Variants in ERC2 observed in about 807,000 individuals in gnomAD.
The protein encoded by ERC2 is ELKS/RAB6-interacting/CAST family member 2, also known as ERC protein 2.
Under a neutral mutation model 114.8 loss-of-function variants are expected in ERC2, and 42 were observed. The ratio of observed to expected loss-of-function variants is 0.37; its 90% confidence interval spans 0.29 to 0.47. ERC2 has a LOEUF of 0.47. Among genes scored for constraint, ERC2 ranks in the 20% least tolerant of loss-of-function variants. ERC2 has a pLI of 0.99. For synonymous variants in ERC2, 454 were observed against 425.5 expected, an observed-to-expected ratio of 1.07 and a Z score of -0.82; for missense variants, 939 against 1,150.7, an observed-to-expected ratio of 0.82 and a Z score of 2.66.
Position 55,628,846 on chromosome 3 carries a change from T to C in ERC2, c.*39+54948A>G, listed in dbSNP as rs554006728. Among the ~76,000 whole-genome samples the C allele has an allele frequency of 2.2e-4, 33 of 152,362 alleles. 1 individual carries two copies. The highest frequency in any genetic ancestry group is 1.2e-3 in the South Asian group (6 of 4,826). ...AATGCCTGAAGAACAAGTTGTAGAT[T>C]TGAATTCTCAAGTACCTGAATTCCT... On this transcript the variant is annotated intron_variant, in intron 17 of 17. Coordinates refer to ENST00000288221, the MANE Select transcript of ERC2 (RefSeq NM_015576.3).
intron 17 of ERC2, among the ~76,000 whole-genome samples, chr3:55,587,394 T>A (rs1255395563): frequency 6.6e-6 from 1 of 152,230 alleles, no homozygotes; most frequent in Non-Finnish European, 1.5e-5. Context: ...TTTATCTATG[T>A]TAATGTAGGT....
intron 7 of ERC2, among the ~76,000 whole-genome samples, chr3:56,023,767 A>AAAGGAAGGAAGGAAGG (rs768746262): frequency 0.15 from 7,453 of 49,590 alleles, 383 homozygotes; most frequent in South Asian, 0.23. Flanking sequence ...ATGAATGAAA[A>AAAGGAAGGAAGGAAGG]AAGGAATGAA....
intron 14 of ERC2, among the ~76,000 whole-genome samples, chr3:55,871,201 C>T (rs1168023146): frequency 6.6e-6 from 1 of 152,194 alleles, no homozygotes; most frequent in Non-Finnish European, 1.5e-5. Flanking sequence ...TGGGACTAAG[C>T]CATGACTGGA....
intron 13 of ERC2, among the ~76,000 whole-genome samples, chr3:55,946,140 A>G (rs1024625979): frequency 4.6e-5 from 7 of 152,158 alleles, no homozygotes; most frequent in African/African-American, 1.7e-4. Context: ...TTTAGTGTGA[A>G]TCTCTGGAAA....
At chr3:55,729,279 C>T (rs896870891) in intron 15 of ERC2, among the ~76,000 whole-genome samples, 1 of 152,172 alleles carries the variant, frequency 6.6e-6, no homozygotes, top group Non-Finnish European at 1.5e-5. Context: ...CAAACACACA[C>T]GTACACTTCT....
intron 4 of ERC2, among the ~76,000 whole-genome samples, chr3:56,169,844 C>A (rs2082540214): frequency 6.7e-6 from 1 of 149,414 alleles, no homozygotes. Context: ...TATGAATGAC[C>A]CAAGAAAGTA....
intron 12 of ERC2, among the ~76,000 whole-genome samples, chr3:55,980,740 G>T (rs994746096): frequency 6.7e-6 from 1 of 149,454 alleles, no homozygotes; most frequent in Non-Finnish European, 1.5e-5. Context: ...GAAAAGAAAA[G>T]GTTTTAGAAA....
At chr3:55,837,608 G>A (rs1203665660) in intron 14 of ERC2, among the ~76,000 whole-genome samples, 1 of 120,988 alleles carries the variant, frequency 8.3e-6, no homozygotes, top group Non-Finnish European at 1.7e-5. Flanking sequence ...CTGTTGTGGG[G>A]TGGGGGGAGG....
chr3:56,459,486 G>A (rs892191209), intron 1 of ERC2, among the ~76,000 whole-genome samples: 3 of 151,730 alleles, frequency 2.0e-5, no homozygotes, highest in Non-Finnish European at 4.4e-5. Flanking sequence ...CTTTAGGGGT[G>A]GAAAGTATTA....
intron 17 of ERC2, among the ~76,000 whole-genome samples, chr3:55,519,851 C>T (rs777773504): frequency 2.6e-5 from 4 of 151,872 alleles, no homozygotes; most frequent in Admixed American, 1.3e-4. Flanking sequence ...GGAAACATGA[C>T]GAAACCAGCC....
intron 2 of ERC2, among the ~76,000 whole-genome samples, chr3:56,300,710 T>C (rs1159994207): frequency 2.6e-5 from 4 of 152,130 alleles, no homozygotes; most frequent in African/African-American, 9.7e-5. Flanking sequence ...ACTTAATGCA[T>C]AAGAAAATGG....
chr3:56,255,286 A>G (rs1440296373), intron 3 of ERC2, among the ~76,000 whole-genome samples: 1 of 152,154 alleles, frequency 6.6e-6, no homozygotes, highest in Admixed American at 6.5e-5. Context: ...TCAACTACTT[A>G]AGGCTGTAAC....
At chr3:56,113,399 C>T (rs1038814216) in intron 6 of ERC2, among the ~76,000 whole-genome samples, 1 of 152,270 alleles carries the variant, frequency 6.6e-6, no homozygotes, top group South Asian at 2.1e-4. Flanking sequence ...CATAAAGATA[C>T]CTCACGCTTG....
At chr3:55,661,448 C>G (rs536918449) in intron 17 of ERC2, among the ~76,000 whole-genome samples, 1 of 152,266 alleles carries the variant, frequency 6.6e-6, no homozygotes, top group African/African-American at 2.4e-5. Context: ...CTCGTCTCTC[C>G]TCTCCTCCCC....
intron 14 of ERC2, among the ~76,000 whole-genome samples, chr3:55,847,386 C>T (rs970949023): frequency 2.0e-5 from 3 of 152,182 alleles, no homozygotes; most frequent in Non-Finnish European, 4.4e-5. Flanking sequence ...TGGACTACCT[C>T]ATATGAATTC....
At chr3:56,272,702 G>GCA (rs2053735291) in intron 3 of ERC2, among the ~76,000 whole-genome samples, 2 of 152,168 alleles carry the variant, frequency 1.3e-5, no homozygotes, top group African/African-American at 4.8e-5. Context: ...CCCAGGAGCT[G>GCA]GAGGTTGCAG....
At chr3:56,150,454 A>C (rs1449715392) in intron 4 of ERC2, among the ~76,000 whole-genome samples, 1 of 152,204 alleles carries the variant, frequency 6.6e-6, no homozygotes, top group African/African-American at 2.4e-5. Flanking sequence ...TTATGTACCA[A>C]GAACTGAGTG....
At chr3:55,585,826 C>A (rs62251518) in intron 17 of ERC2, among the ~76,000 whole-genome samples, 1 of 152,118 alleles carries the variant, frequency 6.6e-6, no homozygotes, top group African/African-American at 2.4e-5. Flanking sequence ...GAAAAAGCTG[C>A]AGGTTTCATG....
intron 2 of ERC2, among the ~76,000 whole-genome samples, chr3:56,306,986 C>T (rs1282114085): frequency 6.6e-6 from 1 of 152,200 alleles, no homozygotes; most frequent in Admixed American, 6.5e-5. Flanking sequence ...ATCAGCAGAG[C>T]CTGTGCCTAC....
Sources: gnomAD v4.1 joint callset for allele counts (sites outside exome capture counted in the v4.1 genomes callset) on GRCh38, gnomAD v4.1.1 for gene constraint, MANE v1.5 for transcripts, NCBI Gene and HGNC (gene_info 2026-07-23, HGNC 2026-07-21) for gene names.